Variants in PLPPR1 observed in about 807,000 individuals in gnomAD.
PLPPR1 encodes the protein phospholipid phosphatase-related protein type 1.
A neutral mutation model predicts 33.1 loss-of-function variants in PLPPR1; 10 were observed. That is an observed-to-expected ratio of 0.30 (90% CI 0.19 to 0.51). PLPPR1 has a LOEUF of 0.51. Among genes scored for constraint, PLPPR1 ranks in the 20% least tolerant of loss-of-function variants. The pLI, the probability that PLPPR1 is intolerant of heterozygous loss-of-function variation, is 0.97. For synonymous variants in PLPPR1, 151 were observed against 151.0 expected, an observed-to-expected ratio of 1.00 and a Z score of 0.00; for missense variants, 304 against 408.1, an observed-to-expected ratio of 0.74 and a Z score of 2.20.
chr9:101,125,138 T>C (rs945157299), intron 1 of PLPPR1, among the ~76,000 whole-genome samples: 33 of 151,116 alleles, frequency 2.2e-4, no homozygotes, highest in African/African-American at 8.0e-4. Flanking sequence ...CTTATATTGC[T>C]AGTCTTTGCT....
intron 1 of PLPPR1, among the ~76,000 whole-genome samples, chr9:101,170,730 G>GT (rs1312650603): frequency 6.6e-6 from 1 of 152,146 alleles, no homozygotes; most frequent in Non-Finnish European, 1.5e-5. Context: ...GAGTCCAGGG[G>GT]TTTAAGATCA....
chr9:101,243,270 G>T (rs1281211549), intron 2 of PLPPR1, among the ~76,000 whole-genome samples: 1 of 151,908 alleles, frequency 6.6e-6, no homozygotes, highest in East Asian at 1.9e-4. Context: ...CTAGAAAAAG[G>T]ACATCAATTA....
chr9:101,166,324 A>G (rs1401718826), intron 1 of PLPPR1, among the ~76,000 whole-genome samples: 1 of 152,172 alleles, frequency 6.6e-6, no homozygotes. Flanking sequence ...CCCCTAGCCT[A>G]TGTTAAATAC....
intron 1 of PLPPR1, among the ~76,000 whole-genome samples, chr9:101,167,199 T>TCACACA (rs1192955125): frequency 1.9e-5 from 1 of 51,714 alleles, no homozygotes; most frequent in Non-Finnish European, 4.5e-5. Context: ...TCTCTCTCTC[T>TCACACA]CACACACACA....
intron 1 of PLPPR1, among the ~76,000 whole-genome samples, chr9:101,099,018 T>C (rs1830858238): frequency 6.6e-6 from 1 of 152,006 alleles, no homozygotes; most frequent in Admixed American, 6.6e-5. Flanking sequence ...CACCAATTAC[T>C]AGTTCTTTGA....
intron 2 of PLPPR1, among the ~76,000 whole-genome samples, chr9:101,231,290 C>A (rs201245350): frequency 1.4e-5 from 2 of 145,772 alleles, no homozygotes; most frequent in South Asian, 2.2e-4. Flanking sequence ...AAAAAAAAAA[C>A]AAAAAAACTT....
intron 2 of PLPPR1, among the ~76,000 whole-genome samples, chr9:101,227,677 A>G (rs1827099922): frequency 6.6e-6 from 1 of 152,200 alleles, no homozygotes; most frequent in Non-Finnish European, 1.5e-5. Flanking sequence ...TTGAGGTTAA[A>G]CAACCCCCAA....
chr9:101,097,952 T>C (rs1830842024), intron 1 of PLPPR1, among the ~76,000 whole-genome samples: 1 of 152,174 alleles, frequency 6.6e-6, no homozygotes, highest in South Asian at 2.1e-4. Flanking sequence ...GAGTAGAGAA[T>C]GAGACTAGAG....
chr9:101,138,502 A>T (rs1272046378), intron 1 of PLPPR1, among the ~76,000 whole-genome samples: 1 of 152,224 alleles, frequency 6.6e-6, no homozygotes, highest in Non-Finnish European at 1.5e-5. Context: ...TTTATTTCTC[A>T]TCACAGAGAT....
chr9:101,282,856 A>C (rs535085587), intron 3 of PLPPR1, among the ~76,000 whole-genome samples: 1 of 152,360 alleles, frequency 6.6e-6, no homozygotes, highest in Admixed American at 6.5e-5. Context: ...CTACAATGAA[A>C]AGTATAAAAT....
In PLPPR1 at chr9:101,218,163, T is replaced by C. The variant is rs1826843514; in HGVS notation, c.63+32606T>C. The stretch of plus-strand genomic sequence containing the variant: ...ATTTTATGGAAGAATACACTATTCT[T>C]GATAGTATATCAAGAATATGCTATC... On this transcript the variant is annotated intron_variant, in intron 2 of 7. Coordinates refer to ENST00000374874, the MANE Select transcript of PLPPR1 (RefSeq NM_207299.2). Among the ~76,000 whole-genome samples the C allele has an allele frequency of 2.0e-5, 3 of 152,158 alleles. No individual in the cohort carries two copies. In the South Asian group the frequency reaches 6.2e-4, roughly 32 times the overall value.
At chr9:101,032,629 TTAAA>T (rs1386014458) in intron 1 of PLPPR1, among the ~76,000 whole-genome samples, 1 of 151,982 alleles carries the variant, frequency 6.6e-6, no homozygotes, top group African/African-American at 2.4e-5. Flanking sequence ...GAATGAATCA[TTAAA>T]TAAATGAATG....
intron 2 of PLPPR1, among the ~76,000 whole-genome samples, chr9:101,234,188 A>G (rs1313152892): frequency 1.3e-5 from 2 of 151,902 alleles, no homozygotes; most frequent in African/African-American, 4.8e-5. Context: ...TCCACGTGTC[A>G]TCAACATGGA....
intron 2 of PLPPR1, among the ~76,000 whole-genome samples, chr9:101,211,673 A>G (rs1184333397): frequency 6.6e-6 from 1 of 152,212 alleles, no homozygotes; most frequent in Admixed American, 6.5e-5. Context: ...CCTCTCTGTG[A>G]CTTCAGTTCT....
At chr9:101,220,939 C>T (rs1020835411) in intron 2 of PLPPR1, among the ~76,000 whole-genome samples, 5 of 152,138 alleles carry the variant, frequency 3.3e-5, no homozygotes, top group Admixed American at 3.3e-4. Context: ...ACGATAATCC[C>T]AGAAGATGAA....
At chr9:101,155,898 C>A (rs570392932) in intron 1 of PLPPR1, among the ~76,000 whole-genome samples, 1 of 152,186 alleles carries the variant, frequency 6.6e-6, no homozygotes, top group Non-Finnish European at 1.5e-5. Context: ...CTGGCTGGGC[C>A]GGGGGATTAA....
intron 1 of PLPPR1, among the ~76,000 whole-genome samples, chr9:101,038,452 T>C (rs974203187): frequency 2.0e-5 from 3 of 152,158 alleles, no homozygotes; most frequent in Admixed American, 1.3e-4. Context: ...ACTTAATAAA[T>C]GGCAAAAGCT....
chr9:101,284,318 G>A (rs1828351473), intron 3 of PLPPR1, among the ~76,000 whole-genome samples: 1 of 152,114 alleles, frequency 6.6e-6, no homozygotes, highest in South Asian at 2.1e-4. Context: ...GATAAACCTA[G>A]AGGACATTAT....
In PLPPR1 at chr9:101,044,662, A is replaced by C. The variant is rs144770055; in HGVS notation, c.-46+15560A>C. On this transcript the variant is annotated intron_variant, in intron 1 of 7. Coordinates refer to ENST00000374874, the MANE Select transcript of PLPPR1 (RefSeq NM_207299.2). ...TGAAAGGAGATGAAGTAACTCTTCC[A>C]GCAATGTGAAACTCAAATTTTTACT... Among the ~76,000 whole-genome samples the C allele has an allele frequency of 8.0e-4, 122 of 152,344 alleles. 4 individuals carry two copies. The East Asian group carries it at 0.022, about 27-fold the overall frequency.
Sources: gnomAD v4.1 joint callset for allele counts (sites outside exome capture counted in the v4.1 genomes callset) on GRCh38, gnomAD v4.1.1 for gene constraint, MANE v1.5 for transcripts, NCBI Gene and HGNC (gene_info 2026-07-23, HGNC 2026-07-21) for gene names.